Variants in ANK2 observed in about 807,000 individuals in gnomAD.
ANK2 encodes ankyrin 2, also known as ankyrin-2.
ANK2 carries 83 observed loss-of-function variants against 360.5 expected under a neutral mutation model. That is an observed-to-expected ratio of 0.23 (90% CI 0.19 to 0.28). The LOEUF is 0.28. ANK2 is among the 10% of genes least tolerant of loss of function. ANK2 has a pLI of 1.00. For synonymous variants in ANK2, 1,740 were observed against 1,759.5 expected, an observed-to-expected ratio of 0.99 and a Z score of 0.28; for missense variants, 4,201 against 4,795.7, an observed-to-expected ratio of 0.88 and a Z score of 3.66.
At chr4:113,018,437 A>C (rs534133508) in intron 2 of ANK2, among the ~76,000 whole-genome samples, 1 of 152,358 alleles carries the variant, frequency 6.6e-6, no homozygotes, top group East Asian at 1.9e-4. Flanking sequence ...ATACTCTCTT[A>C]GGAGAAAAGC....
At chr4:112,892,774 T>A (rs2080458191) in intron 1 of ANK2, among the ~76,000 whole-genome samples, 1 of 152,204 alleles carries the variant, frequency 6.6e-6, no homozygotes, top group African/African-American at 2.4e-5. Flanking sequence ...AAGGCATAAT[T>A]GTTCTTTTTG....
At chr4:113,195,358 G>A (rs1308184138) in intron 2 of ANK2, among the ~76,000 whole-genome samples, 2 of 151,788 alleles carry the variant, frequency 1.3e-5, no homozygotes, top group African/African-American at 4.8e-5. Context: ...TACATTCTGA[G>A]TATGACTCAC....
Position 113,236,980 on chromosome 4 carries a change from T to C in ANK2, c.484-7T>C. 6.2e-7 allele frequency: 1 copy of C among 1,614,074 alleles called. No individual in the cohort carries two copies. The highest frequency in any genetic ancestry group is 8.5e-7 in the Non-Finnish European group (1 of 1,180,008). On this transcript the variant is annotated splice_polypyrimidine_tract_variant and splice_region_variant and intron_variant, in intron 5 of 45. Coordinates refer to ENST00000357077, the MANE Select transcript of ANK2 (RefSeq NM_001148.6). ...TAACAGACAATTTTTACCTTCCATT[T>C]TACCAGGATGGCTTTACTCCTCTAG...
chr4:112,904,008 C>T (rs979593641), intron 1 of ANK2, among the ~76,000 whole-genome samples: 7 of 152,164 alleles, frequency 4.6e-5, no homozygotes, highest in African/African-American at 1.7e-4. Flanking sequence ...GGGTAGGCCA[C>T]ACGCATCTGT....
At chr4:112,787,527 C>G in the ANK2 span, among the ~76,000 whole-genome samples, 6 of 152,200 alleles carry the variant, frequency 3.9e-5, no homozygotes, top group African/African-American at 1.4e-4. Flanking sequence ...CATCAATTCT[C>G]TCTGTATTCT....
chr4:113,197,695 C>T (rs1406002864), intron 3 of ANK2, among the ~76,000 whole-genome samples: 1 of 152,124 alleles, frequency 6.6e-6, no homozygotes, highest in Non-Finnish European at 1.5e-5. Context: ...GTATAGTAAA[C>T]AGCAATTCTA....
At chr4:112,755,511 G>A in the ANK2 span, among the ~76,000 whole-genome samples, 2 of 152,186 alleles carry the variant, frequency 1.3e-5, no homozygotes, top group African/African-American at 4.8e-5. Context: ...AGAGTTTGGA[G>A]TAACGTTTTG....
intron 25 of ANK2, 31 bp from the exon 26 acceptor site, chr4:113,318,486 G>T (rs1184479602): frequency 1.3e-5 from 20 of 1,547,524 alleles, no homozygotes; most frequent in Non-Finnish European, 1.8e-5. Context: ...AGCAAAGTGT[G>T]TTTATTCAAT....
chr4:112,884,172 A>C (rs2077598113), intron 1 of ANK2, among the ~76,000 whole-genome samples: 1 of 152,104 alleles, frequency 6.6e-6, no homozygotes, highest in Admixed American at 6.6e-5. Flanking sequence ...GTATCTTTAA[A>C]ATTTTTCTGT....
intron 2 of ANK2, among the ~76,000 whole-genome samples, chr4:113,017,435 AGCTCT>A (rs2056935582): frequency 1.3e-5 from 2 of 152,142 alleles, no homozygotes; most frequent in South Asian, 4.1e-4. Flanking sequence ...TTGAAGAAGA[AGCTCT>A]GCAAGACTGA....
intron 9 of ANK2, among the ~76,000 whole-genome samples, chr4:113,242,551 C>T (rs572557881): frequency 8.0e-4 from 122 of 152,276 alleles, no homozygotes; most frequent in Middle Eastern, 6.8e-3. Flanking sequence ...AATTACCATA[C>T]ATTAAGATTG....
chr4:112,862,597 C>G (rs555792322), intron 1 of ANK2, among the ~76,000 whole-genome samples: 2 of 152,220 alleles, frequency 1.3e-5, no homozygotes, highest in Non-Finnish European at 2.9e-5. Context: ...AATCCAAATC[C>G]TTTCAGAAGT....
At chr4:112,782,693 C>T in the ANK2 span, among the ~76,000 whole-genome samples, 1 of 151,584 alleles carries the variant, frequency 6.6e-6, no homozygotes, top group African/African-American at 2.4e-5. Context: ...ATGGTGAAAC[C>T]CCCTGTCTCT....
chr4:113,208,025 T>C (rs1409688710), intron 4 of ANK2, among the ~76,000 whole-genome samples: 2 of 152,074 alleles, frequency 1.3e-5, no homozygotes, highest in African/African-American at 2.4e-5. Flanking sequence ...CCAGGGGAAA[T>C]GCAGTGTATG....
intron 17 of ANK2, among the ~76,000 whole-genome samples, chr4:113,278,877 A>G (rs29385): frequency 0.95 from 145,066 of 152,270 alleles, 69,197 homozygotes; most frequent in East Asian, 1. Flanking sequence ...TCATTAACAT[A>G]TTTTCTCTTC....
Position 113,354,779 on chromosome 4 carries a change from A to C in ANK2, c.6161A>C (p.Gln2054Pro). Residue 2054 changes from glutamine to proline, a missense_variant, in exon 38 of 46, where the codon CAG (glutamine) becomes CCG (proline). Transcript: ENST00000357077. ...KTENQTIKRG[Q>P]RLPVTGTAES... ...GAGAATCAGACAATCAAACGAGGCC[A>C]GAGACTCCCGGTAACGGGCACAGCA... 1 of 1,614,112 alleles carries C rather than the reference A, an allele frequency of 6.2e-7. No individual in the cohort carries two copies. The highest frequency in any genetic ancestry group is 8.5e-7 in the Non-Finnish European group (1 of 1,180,002).
the ANK2 span, among the ~76,000 whole-genome samples, chr4:112,800,831 T>C: frequency 1.2e-3 from 187 of 152,286 alleles, no homozygotes; most frequent in African/African-American, 4.4e-3. Context: ...ATTTTTTGTA[T>C]TTTTAGTAGA....
At chr4:112,754,033 G>A in the ANK2 span, among the ~76,000 whole-genome samples, 1 of 150,346 alleles carries the variant, frequency 6.7e-6, no homozygotes, top group East Asian at 2.0e-4. Context: ...GGGAGGCAGA[G>A]GTTGCAGTGA....
chr4:113,375,422 A>G (rs926121642), intron 45 of ANK2, among the ~76,000 whole-genome samples: 5 of 152,204 alleles, frequency 3.3e-5, no homozygotes, highest in African/African-American at 1.2e-4. Context: ...GTTTCCAACA[A>G]TTAGAAAATG....
Sources: gnomAD v4.1 joint callset for allele counts (sites outside exome capture counted in the v4.1 genomes callset) on GRCh38, gnomAD v4.1.1 for gene constraint, MANE v1.5 for transcripts, NCBI Gene and HGNC (gene_info 2026-07-23, HGNC 2026-07-21) for gene names.